Variants in BTBD10 observed in about 807,000 individuals in gnomAD.
The protein encoded by BTBD10 is BTB/POZ domain-containing protein 10.
A neutral mutation model predicts 53.2 loss-of-function variants in BTBD10; 21 were observed. The ratio of observed to expected loss-of-function variants is 0.39; its 90% CI spans 0.28 to 0.57. BTBD10 has a LOEUF of 0.57. Ranked by LOEUF, BTBD10 falls within the 20% of genes least tolerant of loss-of-function variation. The pLI, the probability that BTBD10 is intolerant of heterozygous loss-of-function variation, is 0.53. For synonymous variants in BTBD10, 149 were observed against 192.7 expected (o/e 0.77, Z 1.88); for missense variants, 360 against 594.7 (o/e 0.61, Z 4.10).
rs1949748206 is a variant in BTBD10 at position 13,403,161 on chromosome 11, G to A, written c.1117+7C>T. 1 of 1,425,020 alleles carries A rather than the reference G, an allele frequency of 7.0e-7. No individual in the cohort carries two copies. Among genetic ancestry groups the A allele is most frequent in the Non-Finnish European group, 9.5e-7 (1 of 1,049,702 alleles). The allele number at this position is 1,425,020 out of a possible 1,614,324, so 88.3% of individuals were successfully genotyped here. A position where few individuals can be genotyped will look rare whatever the true frequency, so the allele number is the denominator to read the frequency against. On this transcript the variant is annotated splice_region_variant and intron_variant, in intron 8 of 8. Transcript: ENST00000278174. The stretch of plus-strand genomic sequence containing the variant: ...AAAACTAATAGAAAATAATGAAAAT[G>A]TCTTACCTTCTATTCCCAATCTAAT...
intron 1 of BTBD10, among the ~76,000 whole-genome samples, chr11:13,462,099 G>C (rs1951114150): frequency 6.6e-6 from 1 of 151,950 alleles, no homozygotes; most frequent in Non-Finnish European, 1.5e-5. Flanking sequence ...GGCCGTTATG[G>C]CTGCATTCTT....
intron 2 of BTBD10, among the ~76,000 whole-genome samples, chr11:13,442,016 T>C (rs975974141): frequency 6.6e-6 from 1 of 152,126 alleles, no homozygotes; most frequent in Non-Finnish European, 1.5e-5. Flanking sequence ...GTGAAAATGA[T>C]ATCTGGAACT....
intron 2 of BTBD10, chr11:13,440,312 G>C (rs1950622065): frequency 1.8e-6 from 2 of 1,129,378 alleles, no homozygotes; most frequent in Non-Finnish European, 2.2e-6. Flanking sequence ...CCATCTCTGA[G>C]CAGTGATTGG....
At chr11:13,456,957 T>C (rs944822051) in intron 1 of BTBD10, among the ~76,000 whole-genome samples, 2 of 152,070 alleles carry the variant, frequency 1.3e-5, no homozygotes, top group East Asian at 3.9e-4. Context: ...GCCTAGGAGT[T>C]TGAGACCAGC....
chr11:13,422,888 G>T lies in BTBD10; in HGVS notation c.102-1050C>A, dbSNP rs1431168642. ...CTATGCTAAATGCCAACAGAAAGAA[G>T]CTTCCTCAGGAGCTTGTTTTCTAAG... On this transcript the variant is annotated intron_variant, in intron 2 of 8. Transcript: ENST00000278174. 2.0e-5 allele frequency among the ~76,000 whole-genome samples: 3 copies of T among 152,236 alleles called. No individual in the cohort carries two copies. In the East Asian group the frequency reaches 5.8e-4, roughly 29 times the overall value.
At chr11:13,411,352 C>A (rs1949939614) in intron 6 of BTBD10, among the ~76,000 whole-genome samples, 1 of 152,010 alleles carries the variant, frequency 6.6e-6, no homozygotes. Context: ...AGTGCCATTC[C>A]AAATATTCAG....
intron 1 of BTBD10, among the ~76,000 whole-genome samples, chr11:13,449,051 A>G (rs1480782979): frequency 6.6e-6 from 1 of 152,196 alleles, no homozygotes; most frequent in Non-Finnish European, 1.5e-5. Flanking sequence ...GAGACTGCCA[A>G]AAGTTAACTG....
At chr11:13,450,101 A>C (rs1403674949) in intron 1 of BTBD10, among the ~76,000 whole-genome samples, 2 of 152,316 alleles carry the variant, frequency 1.3e-5, no homozygotes, top group East Asian at 3.9e-4. Flanking sequence ...CTGATAGATA[A>C]GAGAGGGGGA....
intron 1 of BTBD10, among the ~76,000 whole-genome samples, chr11:13,452,762 C>T (rs542782658): frequency 6.6e-6 from 1 of 152,114 alleles, no homozygotes; most frequent in Non-Finnish European, 1.5e-5. Flanking sequence ...CCGCAATTTC[C>T]TTAAACGTGA....
chr11:13,453,567 A>G (rs1327947242), intron 1 of BTBD10, among the ~76,000 whole-genome samples: 1 of 152,216 alleles, frequency 6.6e-6, no homozygotes, highest in Non-Finnish European at 1.5e-5. Flanking sequence ...TTTACTGCTT[A>G]AGTGTAGTTT....
At chr11:13,458,118 A>G (rs959476980) in intron 1 of BTBD10, among the ~76,000 whole-genome samples, 4 of 144,498 alleles carry the variant, frequency 2.8e-5, no homozygotes, top group African/African-American at 5.3e-5. Context: ...CCTGGACAAC[A>G]TAATGAGACT....
At chr11:13,395,879 T>G (rs181119111) in intron 8 of BTBD10, among the ~76,000 whole-genome samples, 1 of 152,214 alleles carries the variant, frequency 6.6e-6, no homozygotes, top group Non-Finnish European at 1.5e-5. Context: ...GAGGGCTCTG[T>G]TCTGTTCCAT....
At chr11:13,409,752 C>G (rs938856365) in intron 6 of BTBD10, among the ~76,000 whole-genome samples, 7 of 152,208 alleles carry the variant, frequency 4.6e-5, no homozygotes, top group Non-Finnish European at 8.8e-5. Context: ...CATTTCTTCA[C>G]TGCATTTTTC....
chr11:13,422,625 G>A (rs557462120), intron 2 of BTBD10, among the ~76,000 whole-genome samples: 14 of 152,158 alleles, frequency 9.2e-5, no homozygotes, highest in Admixed American at 7.8e-4. Flanking sequence ...ATGGGCAACA[G>A]AGCAAGACTC....
At chr11:13,426,658 A>G (rs917817136) in intron 2 of BTBD10, among the ~76,000 whole-genome samples, 69 of 152,290 alleles carry the variant, frequency 4.5e-4, no homozygotes, top group African/African-American at 1.5e-3. Flanking sequence ...GTATACTGTG[A>G]TAAGTTAAAG....
chr11:13,461,663 A>G (rs189254044), intron 1 of BTBD10, among the ~76,000 whole-genome samples: 2 of 152,324 alleles, frequency 1.3e-5, no homozygotes, highest in East Asian at 3.9e-4. Context: ...GAAGGGTAAC[A>G]TAATTACATA....
intron 2 of BTBD10, among the ~76,000 whole-genome samples, chr11:13,433,367 A>C (rs1950487070): frequency 6.6e-6 from 1 of 152,110 alleles, no homozygotes; most frequent in African/African-American, 2.4e-5. Flanking sequence ...TTTTTTTTCC[A>C]CTGACAATAC....
chr11:13,458,999 TTC>T (rs1565277388), intron 1 of BTBD10, among the ~76,000 whole-genome samples: 2 of 152,000 alleles, frequency 1.3e-5, no homozygotes, highest in Admixed American at 6.5e-5. Context: ...GTACCTAAGA[TTC>T]TCTGTCAGGT....
chr11:13,463,073 C>T lies in BTBD10; in HGVS notation c.-58+19G>A, dbSNP rs940514533. The T allele has an allele frequency of 4.6e-5, 7 of 153,202 alleles. No individual in the cohort carries two copies. Among genetic ancestry groups the T allele is most frequent in the African/African-American group, 1.7e-4 (7 of 41,452 alleles). 9.5% of individuals were successfully genotyped at this position (153,202 alleles called of 1,614,324 possible). The stretch of plus-strand genomic sequence containing the variant: ...CTCCCGCGCCGCCCCCGCCGAGTTC[C>T]CCAGCTGAGTCCACTCACTCTCGAA... On this transcript the variant is annotated intron_variant, in intron 1 of 8. Coordinates refer to ENST00000278174, the MANE Select transcript of BTBD10 (RefSeq NM_032320.7).
Sources: allele counts gnomAD v4.1 joint callset (sites outside exome capture counted in the v4.1 genomes callset), GRCh38; gene constraint gnomAD v4.1.1; transcripts MANE v1.5; gene names NCBI Gene and HGNC (gene_info 2026-07-23, HGNC 2026-07-21).